PSD3: variants seen among roughly 807,000 people sequenced by gnomAD.
PSD3 encodes pleckstrin and Sec7 domain containing 3, also known as PH and SEC7 domain-containing protein 3.
A neutral mutation model predicts 105.5 loss-of-function variants in PSD3; 49 were observed. That is an observed-to-expected ratio of 0.46 (90% CI 0.37 to 0.59). The LOEUF (loss-of-function observed/expected upper bound fraction) is 0.59, where lower values mean the gene tolerates loss of function less well. Among genes scored for constraint, PSD3 ranks in the 20% least tolerant of loss-of-function variants. PSD3 has a pLI of 0.00. For synonymous variants in PSD3, 557 were observed against 457.8 expected (o/e 1.22, Z -2.77); for missense variants, 1,561 against 1,263.8 (o/e 1.24, Z -3.57).
intron 9 of PSD3, among the ~76,000 whole-genome samples, chr8:18,687,701 G>A (rs910172516): frequency 4.6e-5 from 7 of 152,088 alleles, no homozygotes; most frequent in Non-Finnish European, 1.0e-4. Context: ...GTGTGTTTGG[G>A]TTTGTGTGTG....
At chr8:18,735,383 T>G (rs2129432685) in intron 9 of PSD3, among the ~76,000 whole-genome samples, 1 of 152,280 alleles carries the variant, frequency 6.6e-6, no homozygotes, top group Non-Finnish European at 1.5e-5. Context: ...ATTGAGATAC[T>G]CACAATCAGA....
chr8:18,831,888 A>G (rs1215297546), intron 4 of PSD3, among the ~76,000 whole-genome samples: 1 of 151,748 alleles, frequency 6.6e-6, no homozygotes, highest in Non-Finnish European at 1.5e-5. Flanking sequence ...TAGTAACAGA[A>G]TAAATATAAC....
chr8:18,970,324 C>CAAAAAAAAAAAAAAAAAA (rs11450922), intron 1 of PSD3, among the ~76,000 whole-genome samples: 4 of 45,312 alleles, frequency 8.8e-5, no homozygotes, highest in African/African-American at 1.8e-4. Flanking sequence ...GACTCTGCCT[C>CAAAAAAAAAAAAAAAAAA]AAAAAAAAAA....
intron 12 of PSD3, among the ~76,000 whole-genome samples, chr8:18,582,246 T>A (rs1307373988): frequency 6.6e-6 from 1 of 152,178 alleles, no homozygotes; most frequent in Non-Finnish European, 1.5e-5. Context: ...AACTCTCCAA[T>A]CTGCCTTCCA....
chr8:18,846,940 C>A (rs1815138071), intron 4 of PSD3, among the ~76,000 whole-genome samples: 1 of 152,072 alleles, frequency 6.6e-6, no homozygotes, highest in Non-Finnish European at 1.5e-5. Context: ...TGTGAAGTAC[C>A]AGGAAAACCC....
At chr8:18,553,765 A>T (rs1800913424) in intron 15 of PSD3, among the ~76,000 whole-genome samples, 1 of 152,204 alleles carries the variant, frequency 6.6e-6, no homozygotes, top group South Asian at 2.1e-4. Context: ...AGCACTACTT[A>T]TACAAAACCC....
chr8:18,797,246 C>G (rs1009852363), intron 8 of PSD3, among the ~76,000 whole-genome samples: 5 of 152,126 alleles, frequency 3.3e-5, no homozygotes, highest in Non-Finnish European at 7.4e-5. Flanking sequence ...ATTTTTAAAA[C>G]AGAGAACTAC....
chr8:18,608,805 T>C (rs1275292752), intron 11 of PSD3, among the ~76,000 whole-genome samples: 1 of 152,216 alleles, frequency 6.6e-6, no homozygotes, highest in African/African-American at 2.4e-5. Flanking sequence ...ATAAGCTTCA[T>C]GCAGAAGTTT....
Position 18,688,916 on chromosome 8 carries a change from G to A in PSD3, c.2173-33231C>T, listed in dbSNP as rs142124458. 3.7e-3 allele frequency among the ~76,000 whole-genome samples: 563 copies of A among 152,308 alleles called. 4 individuals are homozygous for A. The highest frequency in any genetic ancestry group is 0.013 in the African/African-American group (537 of 41,558). Reference sequence around the variant, plus strand: ...AGGTACAAAATAACTTTCCACAAAAGCTTTAGCAGAAAGTGAAGGTGACTT... The same window carrying A: ...AGGTACAAAATAACTTTCCACAAAAACTTTAGCAGAAAGTGAAGGTGACTT... On this transcript the variant is annotated intron_variant, in intron 9 of 15. Coordinates refer to ENST00000327040, the MANE Select transcript of PSD3 (RefSeq NM_015310.4).
At chr8:18,724,575 G>C (rs1450909853) in intron 9 of PSD3, among the ~76,000 whole-genome samples, 3 of 151,848 alleles carry the variant, frequency 2.0e-5, no homozygotes, top group Non-Finnish European at 4.4e-5. Context: ...TCACTCCATT[G>C]TACTCCAGCC....
At chr8:18,564,628 C>CAA (rs59766811) in intron 14 of PSD3, among the ~76,000 whole-genome samples, 35,207 of 111,762 alleles carry the variant, frequency 0.32, 4,565 homozygotes, top group East Asian at 0.45. Context: ...GACCTTGTCT[C>CAA]AAAAAAAAAA....
intron 12 of PSD3, among the ~76,000 whole-genome samples, chr8:18,595,355 G>T (rs767483920): frequency 6.7e-6 from 1 of 150,110 alleles, no homozygotes; most frequent in African/African-American, 2.4e-5. Flanking sequence ...TAGCAAAATA[G>T]CAAGAGTGTT....
chr8:18,726,303 TA>T (rs1311028051), intron 9 of PSD3, among the ~76,000 whole-genome samples: 1 of 152,226 alleles, frequency 6.6e-6, no homozygotes, highest in African/African-American at 2.4e-5. Context: ...GACATTAAGT[TA>T]CTGAACTTTA....
intron 9 of PSD3, among the ~76,000 whole-genome samples, chr8:18,685,327 A>G (rs1352173523): frequency 6.6e-6 from 1 of 152,096 alleles, no homozygotes; most frequent in Non-Finnish European, 1.5e-5. Flanking sequence ...GTTTCCCTCT[A>G]CTGTCAACAG....
chr8:18,929,074 A>T (rs1487437730), intron 2 of PSD3, among the ~76,000 whole-genome samples: 1 of 152,228 alleles, frequency 6.6e-6, no homozygotes, highest in Non-Finnish European at 1.5e-5. Flanking sequence ...ACTGAATTTT[A>T]CACATTAAAT....
At chr8:18,927,258 G>C (rs1026183253) in intron 2 of PSD3, among the ~76,000 whole-genome samples, 1 of 152,076 alleles carries the variant, frequency 6.6e-6, no homozygotes, top group African/African-American at 2.4e-5. Flanking sequence ...CTGTTGCCCA[G>C]GCTGGGGTGC....
At chr8:18,903,991 G>C (rs1819678143) in intron 2 of PSD3, among the ~76,000 whole-genome samples, 1 of 152,110 alleles carries the variant, frequency 6.6e-6, no homozygotes, top group Non-Finnish European at 1.5e-5. Context: ...ATTCTGTTTT[G>C]CAGTGCTATA....
At chr8:18,590,523 G>A (rs1208896285) in intron 12 of PSD3, among the ~76,000 whole-genome samples, 5 of 152,108 alleles carry the variant, frequency 3.3e-5, no homozygotes, top group Admixed American at 3.3e-4. Flanking sequence ...ACAAACTTCT[G>A]TAAGGAATGA....
intron 9 of PSD3, among the ~76,000 whole-genome samples, chr8:18,668,713 A>G (rs1196486935): frequency 6.6e-6 from 1 of 152,210 alleles, no homozygotes; most frequent in Non-Finnish European, 1.5e-5. Flanking sequence ...ACACCTGTGT[A>G]CATATATACA....
Sources: allele counts gnomAD v4.1 joint callset (sites outside exome capture counted in the v4.1 genomes callset), GRCh38; gene constraint gnomAD v4.1.1; transcripts MANE v1.5; gene names NCBI Gene and HGNC (gene_info 2026-07-23, HGNC 2026-07-21).